Variants in ALG14 observed in about 807,000 individuals in gnomAD.
The protein encoded by ALG14 is ALG14 UDP-N-acetylglucosaminyltransferase subunit.
In ALG14, 17 loss-of-function variants were observed where a neutral mutation model predicts 22.8. The observed-to-expected ratio is 0.75, with a 90% CI of 0.51 to 1.12. The LOEUF is 1.12. Ranked by LOEUF, ALG14 falls within the 50% of genes most tolerant of loss-of-function variation. The pLI is 0.00. For missense variants in ALG14, 288 were observed against 271.8 expected, an observed-to-expected ratio of 1.06 and a Z score of -0.42; for synonymous variants, 89 against 103.7, an observed-to-expected ratio of 0.86 and a Z score of 0.86.
At position 94,980,559 on chromosome 1, in the gene ALG14, G is replaced by A. The variant is rs368611199; in HGVS notation, c.*2517C>T. 2.6e-5 allele frequency: 4 copies of A among 152,338 alleles called. 1 individual carries two copies. Among genetic ancestry groups the A allele is most frequent in the African/African-American group, 9.6e-5 (4 of 41,578 alleles). The allele number at this position is 152,338 out of a possible 1,614,324, so 9.4% of individuals were successfully genotyped here. On this transcript the variant is annotated 3_prime_UTR_variant, in exon 4 of 4. Transcript: ENST00000370205. ...GCTAGCTACTCATCTTCTTCAGTTT[G>A]AGTTGGGACTGGCGCACTATCTTTC...
rs527433956 is a variant in ALG14, at chr1:95,056,380, C to A, written c.288+8486G>T. On this transcript the variant is annotated intron_variant, in intron 2 of 3. Transcript: ENST00000370205. ...CAAAATGTGGCCAGGCACGGTGGCT[C>A]ATGTTTATAATTCTAGCACTTTGGG... Among the ~76,000 whole-genome samples, 4 of 152,276 alleles carry A rather than the reference C, an allele frequency of 2.6e-5. No homozygotes were observed. In the East Asian group the frequency reaches 7.7e-4, roughly 29 times the overall value.
At chr1:94,998,229 C>T (rs1311241425) in intron 3 of ALG14, among the ~76,000 whole-genome samples, 2 of 152,140 alleles carry the variant, frequency 1.3e-5, no homozygotes, top group African/African-American at 2.4e-5. Context: ...TCTGACGGAG[C>T]GTTTCCAGGG....
chr1:95,000,225 A>T (rs1191128035), intron 3 of ALG14, among the ~76,000 whole-genome samples: 2 of 152,272 alleles, frequency 1.3e-5, no homozygotes, highest in East Asian at 3.9e-4. Flanking sequence ...AAACAACAAT[A>T]AATGTGAGGA....
intron 2 of ALG14, among the ~76,000 whole-genome samples, chr1:95,032,061 G>A (rs1235349917): frequency 3.3e-5 from 5 of 151,960 alleles, no homozygotes; most frequent in Non-Finnish European, 4.4e-5. Flanking sequence ...TGCCCACCTC[G>A]GCCTCCCAAA....
rs368740981 is a variant in ALG14, at chr1:95,039,366, A to T, written c.289-12106T>A. 3.3e-5 allele frequency among the ~76,000 whole-genome samples: 5 copies of T among 152,132 alleles called. No individual in the cohort carries two copies. In the East Asian group the frequency reaches 9.7e-4, roughly 29 times the overall value. Reference sequence around the variant, plus strand: ...CCAGAGAAGGGCAATCATTGGGGAGATCACTGAAATACATCAGAAGAATGA... The same window carrying T: ...CCAGAGAAGGGCAATCATTGGGGAGTTCACTGAAATACATCAGAAGAATGA... On this transcript the variant is annotated intron_variant, in intron 2 of 3. Coordinates refer to ENST00000370205, the MANE Select transcript of ALG14 (RefSeq NM_144988.4).
In ALG14 at chr1:94,974,661, T is replaced by C. The variant is rs974262589; in HGVS notation, c.*8415A>G. ...GGCAGGCAAAAAATTTCTTCCTCTT[T>C]TAATATTAAGCGAAAGTACCCAAGC... On this transcript the variant is annotated 3_prime_UTR_variant, in exon 4 of 4. Coordinates refer to ENST00000370205, the MANE Select transcript of ALG14 (RefSeq NM_144988.4). The C allele has an allele frequency of 2.6e-5, 4 of 152,244 alleles. No homozygotes were observed. The highest frequency in any genetic ancestry group is 9.6e-5 in the African/African-American group (4 of 41,460). The allele number at this position is 152,244 out of a possible 1,614,324, so 9.4% of individuals were successfully genotyped here.
chr1:95,062,035 G>A (rs1464554211), intron 2 of ALG14: 2 of 151,968 alleles, frequency 1.3e-5, no homozygotes, highest in Middle Eastern at 3.4e-3. Flanking sequence ...AGCAACCAGG[G>A]GTAAAGAAGT....
chr1:94,988,398 A>C (rs1672692642), intron 3 of ALG14, among the ~76,000 whole-genome samples: 1 of 152,266 alleles, frequency 6.6e-6, no homozygotes. Flanking sequence ...TCTTGCAGGT[A>C]GCAGAGCTAC....
chr1:95,026,507 TGTGTGTGA>T (rs1346883681), intron 3 of ALG14, among the ~76,000 whole-genome samples: 17 of 151,736 alleles, frequency 1.1e-4, no homozygotes, highest in African/African-American at 4.1e-4. Context: ...TGTGTGTATG[TGTGTGTGA>T]GACAGAGAGA....
intron 3 of ALG14, among the ~76,000 whole-genome samples, chr1:95,004,181 C>T (rs1673143065): frequency 1.3e-5 from 2 of 151,422 alleles, no homozygotes; most frequent in Non-Finnish European, 2.9e-5. Flanking sequence ...AGAACTGAAA[C>T]TCCAGCCGCT....
chr1:95,021,483 T>C (rs1673660647), intron 3 of ALG14, among the ~76,000 whole-genome samples: 4 of 152,246 alleles, frequency 2.6e-5, no homozygotes, highest in Admixed American at 2.6e-4. Context: ...TATTCAATTA[T>C]CGGTGCTGTC....
intron 1 of ALG14, among the ~76,000 whole-genome samples, chr1:95,066,600 G>C (rs1166650426): frequency 6.6e-6 from 1 of 152,112 alleles, no homozygotes; most frequent in African/African-American, 2.4e-5. Context: ...AACAAATTTG[G>C]CATAGATTTA....
Position 95,027,384 on chromosome 1 carries a change from T to C in ALG14, c.289-124A>G, listed in dbSNP as rs1449330730. 1.1e-5 allele frequency: 13 copies of C among 1,197,610 alleles called. No individual in the cohort carries two copies. In the Admixed American group the frequency reaches 2.8e-4, roughly 25 times the overall value. 74.2% of individuals were successfully genotyped at this position (1,197,610 alleles called of 1,614,324 possible). A position where few individuals can be genotyped will look rare whatever the true frequency, so the allele number is the denominator to read the frequency against. ...AATTTAAATTTTCATTCTAACCACT[T>C]TTAAATTAGAGTTGTAATGCCTATC... On this transcript the variant is annotated intron_variant, in intron 2 of 3. Transcript: ENST00000370205.
At chr1:94,988,863 G>C (rs1234560141) in intron 3 of ALG14, among the ~76,000 whole-genome samples, 1 of 152,030 alleles carries the variant, frequency 6.6e-6, no homozygotes, top group Non-Finnish European at 1.5e-5. Context: ...GCACAAAAAA[G>C]AACACAATCC....
intron 1 of ALG14, among the ~76,000 whole-genome samples, chr1:95,071,711 C>T (rs989948239): frequency 2.0e-5 from 3 of 152,318 alleles, no homozygotes; most frequent in East Asian, 1.9e-4. Context: ...CCTCATCTGA[C>T]TAATTCTGGG....
At chr1:95,064,289 T>C (rs1675273436) in intron 2 of ALG14, among the ~76,000 whole-genome samples, 2 of 152,220 alleles carry the variant, frequency 1.3e-5, no homozygotes, top group Middle Eastern at 3.2e-3. Flanking sequence ...TCTTTCCTGA[T>C]TGCCCTGGCC....
rs1190529932 is a variant in ALG14, at chr1:94,981,860, G to C, written c.*1216C>G. On this transcript the variant is annotated 3_prime_UTR_variant, in exon 4 of 4. Transcript: ENST00000370205. ...AGCAGGACCAGCGAAAGAATTCAGA[G>C]GGTCTAAAATATAAGTTCATTGTTT... is the stretch of plus-strand genomic sequence containing the variant. 1 of 151,606 alleles carries C rather than the reference G, an allele frequency of 6.6e-6. No homozygotes were observed. The highest frequency in any genetic ancestry group is 1.5e-5 in the Non-Finnish European group (1 of 67,966). The allele number at this position is 151,606 out of a possible 1,614,324, so 9.4% of individuals were successfully genotyped here.
chr1:95,040,568 TA>T (rs139426173), intron 2 of ALG14, among the ~76,000 whole-genome samples: 7,086 of 152,222 alleles, frequency 0.047, 219 homozygotes, highest in South Asian at 0.083. Flanking sequence ...TCCTTGGGCC[TA>T]AAGGCTGGAA....
At chr1:95,038,788 G>C (rs1350455209) in intron 2 of ALG14, among the ~76,000 whole-genome samples, 2 of 144,552 alleles carry the variant, frequency 1.4e-5, no homozygotes, top group Non-Finnish European at 3.0e-5. Context: ...GCATGATCAT[G>C]ACTCACTGCA....
Sources: gnomAD v4.1 joint callset for allele counts (sites outside exome capture counted in the v4.1 genomes callset) on GRCh38, gnomAD v4.1.1 for gene constraint, MANE v1.5 for transcripts, NCBI Gene and HGNC (gene_info 2026-07-23, HGNC 2026-07-21) for gene names.